The following TECTA variants were observed in gnomAD, a reference collection of about 807,000 sequenced individuals.
The protein encoded by TECTA is tectorin alpha, also known as alpha-tectorin.
Under a neutral mutation model 216.8 loss-of-function variants are expected in TECTA, and 128 were observed. The observed-to-expected ratio is 0.59, with a 90% CI of 0.51 to 0.68. The LOEUF is 0.68. Ranked by LOEUF, TECTA falls within the 30% of genes least tolerant of loss-of-function variation. The pLI is 0.00. For synonymous variants in TECTA, 1,089 were observed against 1,117.1 expected (o/e 0.97, Z 0.50); for missense variants, 2,551 against 2,786.2 (o/e 0.92, Z 1.90).
chr11:121,118,487 G>T lies in TECTA; in HGVS notation c.972G>T (p.Val324=). 1 of 1,614,208 alleles carries T rather than the reference G, an allele frequency of 6.2e-7. No homozygotes were observed. The highest frequency in any genetic ancestry group is 8.5e-7 in the Non-Finnish European group (1 of 1,180,042). ...CTGTGGAGACCAGCACATGCGTGGT[G>T]TTTGGGGAGCCACACTACCACACTT... ...CSAVETSTCV[V]FGEPHYHTFD... The change falls in exon 7 of 24, where the codon GTG becomes GTT. Residue 324 remains valine (V), a synonymous_variant. Transcript: ENST00000392793.
intron 13 of TECTA, among the ~76,000 whole-genome samples, chr11:121,155,874 C>T (rs1946935768): frequency 6.6e-6 from 1 of 152,128 alleles, no homozygotes; most frequent in African/African-American, 2.4e-5. Flanking sequence ...CAAGCAGAGT[C>T]GTGCCTGCAG....
chr11:121,164,817 G>A (rs1591462595), intron 16 of TECTA, among the ~76,000 whole-genome samples: 1 of 152,260 alleles, frequency 6.6e-6, no homozygotes, highest in Middle Eastern at 3.4e-3. Flanking sequence ...CGTATTTATT[G>A]TGCACAAACC....
chr11:121,118,847 C>G, intron 7 of TECTA, 129 bp downstream of exon 7: 1 of 1,242,928 alleles, frequency 8.0e-7, no homozygotes, highest in Non-Finnish European at 1.1e-6. Context: ...CACAGCTCTC[C>G]CCGCCTTGCA....
intron 9 of TECTA, among the ~76,000 whole-genome samples, chr11:121,129,388 G>A (rs1197394769): frequency 2.0e-5 from 3 of 152,192 alleles, no homozygotes; most frequent in East Asian, 1.9e-4. Context: ...CTTTAGTTTC[G>A]TTTGTTTTGG....
At chr11:121,101,879 C>T (rs1946349823) in intron 1 of TECTA, among the ~76,000 whole-genome samples, 1 of 152,182 alleles carries the variant, frequency 6.6e-6, no homozygotes, top group African/African-American at 2.4e-5. Context: ...AAAACATGCT[C>T]CTGATGGAGG....
intron 16 of TECTA, 78 bp from the exon 17 acceptor site, chr11:121,165,195 T>C: frequency 7.3e-7 from 1 of 1,367,470 alleles, no homozygotes; most frequent in South Asian, 1.2e-5. Context: ...AAGTGGCAAG[T>C]CTGGAGTGGA....
At chr11:121,123,023 G>A (rs988655131) in intron 7 of TECTA, among the ~76,000 whole-genome samples, 2 of 152,168 alleles carry the variant, frequency 1.3e-5, no homozygotes, top group African/African-American at 2.4e-5. Flanking sequence ...CGCCTGCCAC[G>A]GTAAATTTTG....
At position 121,130,120 on chromosome 11, in the gene TECTA, G is replaced by T; in HGVS notation, c.2850G>T (p.Glu950Asp). 6.2e-7 allele frequency: 1 copy of T among 1,612,544 alleles called. No individual in the cohort carries two copies. The highest frequency in any genetic ancestry group is 8.5e-7 in the Non-Finnish European group (1 of 1,180,046). Reference protein sequence around the residue: ...LFRLCQSGGNESELCDSVARY... With the variant: ...LFRLCQSGGNDSELCDSVARY... ...GCCTGTGCCAGAGTGGGGGCAATGA[G>T]TCAGAGCTCTGTGACTCTGTGGCCC... The change falls in exon 10 of 24, where the codon GAG (glutamate) becomes GAT (aspartate). Residue 950 changes from glutamate (E) to aspartate (D), a missense_variant. Coordinates refer to ENST00000392793, the MANE Select transcript of TECTA (RefSeq NM_005422.4).
In TECTA at chr11:121,109,153, G is replaced by A; in HGVS notation, c.199-58G>A. On this transcript the variant is annotated intron_variant, in intron 3 of 23. Transcript: ENST00000392793. ...TAGGCGAATGTCTGTCTTGGTTTGT[G>A]ACTCTGAAGTTGTTATGGTTTCAGA... 3 of 1,592,912 alleles carry A rather than the reference G, an allele frequency of 1.9e-6. No individual in the cohort carries two copies. In the African/African-American group the frequency reaches 4.0e-5, roughly 21 times the overall value.
intron 10 of TECTA, among the ~76,000 whole-genome samples, chr11:121,135,673 A>G (rs1408456783): frequency 1.3e-5 from 2 of 152,232 alleles, no homozygotes; most frequent in Non-Finnish European, 2.9e-5. Context: ...TTGCCATGCA[A>G]TTTATTTCTC....
chr11:121,140,683 G>A (rs977029058), intron 11 of TECTA, among the ~76,000 whole-genome samples: 2 of 152,154 alleles, frequency 1.3e-5, no homozygotes, highest in Non-Finnish European at 2.9e-5. Context: ...AGCTTCTGGC[G>A]GCTGTGGGCA....
At chr11:121,146,260 A>C in intron 12 of TECTA, 144 bp downstream of exon 12, 1 of 978,154 alleles carries the variant, frequency 1.0e-6, no homozygotes, top group South Asian at 1.4e-5. Context: ...TTGTTATCTG[A>C]ATGAAGCATG....
At chr11:121,146,789 C>T (rs1212887681) in intron 12 of TECTA, among the ~76,000 whole-genome samples, 1 of 152,242 alleles carries the variant, frequency 6.6e-6, no homozygotes, top group Non-Finnish European at 1.5e-5. Context: ...CAGGCACACT[C>T]TGTGCATGCT....
In TECTA at chr11:121,137,908, C is replaced by T. The variant is rs1217276045; in HGVS notation, c.3429C>T (p.Val1143=). 1 of 1,602,478 alleles carries T rather than the reference C, an allele frequency of 6.2e-7. No individual in the cohort carries two copies. Among genetic ancestry groups the T allele is most frequent in the Admixed American group, 1.7e-5 (1 of 59,814 alleles). The change falls in exon 11 of 24, where the codon GTC becomes GTT. Residue 1143 remains valine, a synonymous_variant. Transcript: ENST00000392793. ...CAGACTCTTTCCCCAAGTTTGTTGT[C>T]ACAGCCAAGAATGAGGACCGGGACC... ...PSSDSFPKFV[V]TAKNEDRDPS...
chr11:121,148,818 G>A (rs531802569), intron 12 of TECTA, among the ~76,000 whole-genome samples: 87 of 152,266 alleles, frequency 5.7e-4, no homozygotes, highest in Non-Finnish European at 9.3e-4. Context: ...TTGTAAACTC[G>A]TTGGAAAATC....
Position 121,183,379 on chromosome 11 carries a change from G to A in TECTA, c.6000-4453G>A, listed in dbSNP as rs117621110. On this transcript the variant is annotated intron_variant, in intron 20 of 23. Transcript: ENST00000392793. ...GAACAATACTGTTATGTGGAGTCTG[G>A]GTAGCTTCCTATACTAGTCTCAGGG... 6.3e-3 allele frequency among the ~76,000 whole-genome samples: 961 copies of A among 152,210 alleles called. 5 individuals carry two copies. The highest frequency in any genetic ancestry group is 9.5e-3 in the Non-Finnish European group (645 of 67,994).
chr11:121,165,087 A>T (rs1468585532), intron 16 of TECTA, among the ~76,000 whole-genome samples, 186 bp from the exon 17 acceptor site: 2 of 152,236 alleles, frequency 1.3e-5, no homozygotes, highest in Non-Finnish European at 2.9e-5. Flanking sequence ...ATCCAGGCCC[A>T]CAGCAAGCAC....
chr11:121,188,056 A>G (rs1947304997), intron 21 of TECTA, 62 bp downstream of exon 21: 2 of 1,591,696 alleles, frequency 1.3e-6, no homozygotes, highest in Non-Finnish European at 8.6e-7. Context: ...GTTTCCCAAC[A>G]TGAGGATCGT....
At chr11:121,122,191 G>A (rs1467007248) in intron 7 of TECTA, among the ~76,000 whole-genome samples, 1 of 152,058 alleles carries the variant, frequency 6.6e-6, no homozygotes, top group Non-Finnish European at 1.5e-5. Flanking sequence ...TAACTCCTAA[G>A]GTGATGGTAT....
Sources: allele counts gnomAD v4.1 joint callset (sites outside exome capture counted in the v4.1 genomes callset), GRCh38; gene constraint gnomAD v4.1.1; transcripts MANE v1.5; gene names NCBI Gene and HGNC (gene_info 2026-07-23, HGNC 2026-07-21).